GALK2: variants seen among roughly 807,000 people sequenced by gnomAD.
GALK2 encodes the protein galactokinase 2.
Under a neutral mutation model 52.4 loss-of-function variants are expected in GALK2, and 36 were observed. That is an observed-to-expected ratio of 0.69 (90% CI 0.53 to 0.91). The LOEUF (loss-of-function observed/expected upper bound fraction) is 0.91, where lower values mean the gene tolerates loss of function less well. GALK2 is among the 40% of genes least tolerant of loss of function. The pLI is 0.00. For synonymous variants in GALK2, 176 were observed against 199.1 expected, an observed-to-expected ratio of 0.88 and a Z score of 0.98; for missense variants, 579 against 559.1, an observed-to-expected ratio of 1.04 and a Z score of -0.36.
chr15:49,276,224 A>G (rs1011757171), intron 5 of GALK2, among the ~76,000 whole-genome samples: 1 of 152,230 alleles, frequency 6.6e-6, no homozygotes, highest in African/African-American at 2.4e-5. Context: ...CAAGTGTAAG[A>G]GCAAAAGAAA....
intron 3 of GALK2, among the ~76,000 whole-genome samples, chr15:49,359,982 C>T (rs931917636): frequency 6.7e-5 from 10 of 148,954 alleles, no homozygotes; most frequent in Admixed American, 2.0e-4. Context: ...AGTAAACTAT[C>T]GCAAGAACAA....
At chr15:49,313,494 T>A (rs910943937) in intron 8 of GALK2, among the ~76,000 whole-genome samples, 9 of 152,200 alleles carry the variant, frequency 5.9e-5, no homozygotes, top group Non-Finnish European at 1.0e-4. Context: ...GCCCCTCTCC[T>A]GTGACATCTC....
intron 3 of GALK2, among the ~76,000 whole-genome samples, chr15:49,356,114 C>T (rs1488533936): frequency 3.3e-5 from 5 of 152,022 alleles, no homozygotes; most frequent in African/African-American, 7.2e-5. Flanking sequence ...AAGGAACAAC[C>T]GGTACCAGCC....
rs117569916 is a variant in GALK2, at chr15:49,184,218, A to G, written c.53+13843A>G. Reference sequence around the variant, plus strand: ...GAATTGACCCCTTTTATCATTATATAATGACCTTCTTTTTCTCTTCTTATA... The same window carrying G: ...GAATTGACCCCTTTTATCATTATATGATGACCTTCTTTTTCTCTTCTTATA... On this transcript the variant is annotated intron_variant, in intron 1 of 9. Transcript: ENST00000560031. Among the ~76,000 whole-genome samples the G allele has an allele frequency of 9.2e-3, 1,396 of 152,164 alleles. 24 individuals carry two copies. Among genetic ancestry groups the G allele is most frequent in the Non-Finnish European group, 0.015 (1,038 of 68,000 alleles).
intron 5 of GALK2, among the ~76,000 whole-genome samples, chr15:49,239,745 G>C (rs2091002977): frequency 6.6e-6 from 1 of 152,252 alleles, no homozygotes; most frequent in Non-Finnish European, 1.5e-5. Context: ...TGGGTTACAA[G>C]GGTAAAGACT....
At chr15:49,256,231 C>T (rs2091809825) in intron 5 of GALK2, among the ~76,000 whole-genome samples, 1 of 152,128 alleles carries the variant, frequency 6.6e-6, no homozygotes. Flanking sequence ...GCTTAATTCT[C>T]TAGAGCTCTG....
At chr15:49,283,117 A>G (rs1347024204) in intron 6 of GALK2, among the ~76,000 whole-genome samples, 1 of 152,056 alleles carries the variant, frequency 6.6e-6, no homozygotes, top group Non-Finnish European at 1.5e-5. Flanking sequence ...TTGCCCCTGG[A>G]CTTGCCTAAG....
intron 5 of GALK2, among the ~76,000 whole-genome samples, chr15:49,245,106 A>C (rs1418564981): frequency 6.6e-6 from 1 of 152,188 alleles, no homozygotes; most frequent in Non-Finnish European, 1.5e-5. Flanking sequence ...GAATTTAAGC[A>C]AAATTTTGGG....
intron 1 of GALK2, among the ~76,000 whole-genome samples, chr15:49,164,624 T>C (rs2084758888): frequency 1.3e-5 from 2 of 151,514 alleles, no homozygotes; most frequent in Admixed American, 6.6e-5. Flanking sequence ...CTACTAATCA[T>C]ACAAAAATTA....
intron 2 of GALK2, among the ~76,000 whole-genome samples, chr15:49,216,240 C>T (rs1176943552): frequency 2.6e-5 from 4 of 152,148 alleles, no homozygotes; most frequent in Admixed American, 2.6e-4. Context: ...CCCAAGGGAT[C>T]TTTAGTGAGC....
At chr15:49,314,349 A>C (rs1307778440) in intron 8 of GALK2, among the ~76,000 whole-genome samples, 5 of 152,244 alleles carry the variant, frequency 3.3e-5, no homozygotes, top group African/African-American at 1.2e-4. Flanking sequence ...AACAATTCTC[A>C]GTCATCTGTG....
intron 2 of GALK2, among the ~76,000 whole-genome samples, chr15:49,205,779 T>TG (rs1237610531): frequency 2.0e-5 from 3 of 152,198 alleles, no homozygotes; most frequent in Non-Finnish European, 2.9e-5. Context: ...CATTTGCTTT[T>TG]GGGTTCTTGG....
At chr15:49,181,522 G>A (rs1176799233) in intron 1 of GALK2, among the ~76,000 whole-genome samples, 2 of 41,176 alleles carry the variant, frequency 4.9e-5, no homozygotes, top group Non-Finnish European at 9.9e-5. Flanking sequence ...TTTTTTTTTT[G>A]GAACAGAGTC....
At chr15:49,339,742 G>A (rs1460232105) in intron 3 of GALK2, among the ~76,000 whole-genome samples, 1 of 152,162 alleles carries the variant, frequency 6.6e-6, no homozygotes, top group Non-Finnish European at 1.5e-5. Context: ...CTTGCCCCAC[G>A]TGCTCTGTCC....
In GALK2 at chr15:49,366,040, T is replaced by C. The variant is rs578209357; in HGVS notation, c.427-1451T>C. The C allele has an allele frequency of 2.2e-5, 18 of 808,656 alleles. No individual in the cohort carries two copies. In the Middle Eastern group the frequency reaches 2.8e-3, roughly 125 times the overall value. 50.1% of individuals were successfully genotyped at this position (808,656 alleles called of 1,614,324 possible). On this transcript the variant is annotated intron_variant, in intron 3 of 3. Transcript: ENST00000558399. ...AACTGTAAGAGGACTAAAAGTTAGA[T>C]ATTCTTCCTTTTTTTTCCCTCATTT...
At chr15:49,324,193 A>T (rs757154179) in intron 9 of GALK2, among the ~76,000 whole-genome samples, 5 of 152,152 alleles carry the variant, frequency 3.3e-5, no homozygotes, top group Non-Finnish European at 7.4e-5. Context: ...AGGGAGATGA[A>T]TGACAAATTT....
At chr15:49,353,362 C>G (rs911762535) in intron 3 of GALK2, 2 of 152,160 alleles carry the variant, frequency 1.3e-5, no homozygotes, top group Non-Finnish European at 2.9e-5. Flanking sequence ...TGGGATCACA[C>G]TGTGTCTCTG....
At position 49,252,933 on chromosome 15, in the gene GALK2, G is replaced by A. The variant is rs1242581150; in HGVS notation, c.504+13566G>A. On this transcript the variant is annotated intron_variant, in intron 5 of 9. Coordinates refer to ENST00000560031, the MANE Select transcript of GALK2 (RefSeq NM_002044.4). Reference sequence around the variant, plus strand: ...AGTTTAAATGTTTAATCTTTTCCATGTCTTTTATTGATCACTTGCATTTTT... The same window carrying A: ...AGTTTAAATGTTTAATCTTTTCCATATCTTTTATTGATCACTTGCATTTTT... 2.8e-5 allele frequency among the ~76,000 whole-genome samples: 4 copies of A among 144,074 alleles called. 1 individual carries two copies. The highest frequency in any genetic ancestry group is 6.2e-5 in the Non-Finnish European group (4 of 64,110). 94.5% of individuals were successfully genotyped at this position (144,074 alleles called of 152,430 possible). A position where few individuals can be genotyped will look rare whatever the true frequency, so the allele number is the denominator to read the frequency against.
At chr15:49,338,949 A>C (rs2040240179) in intron 3 of GALK2, among the ~76,000 whole-genome samples, 1 of 152,038 alleles carries the variant, frequency 6.6e-6, no homozygotes. Context: ...TGCTTCACGA[A>C]GTTCTCATGC....
Sources: allele counts gnomAD v4.1 joint callset (sites outside exome capture counted in the v4.1 genomes callset), GRCh38; gene constraint gnomAD v4.1.1; transcripts MANE v1.5; gene names NCBI Gene and HGNC (gene_info 2026-07-23, HGNC 2026-07-21).